Variants in TTN observed in about 807,000 individuals in gnomAD.
TTN encodes the protein titin.
In TTN, 1,525 loss-of-function variants were observed where a neutral mutation model predicts 3,223.0. That is an observed-to-expected ratio of 0.47 (90% CI 0.45 to 0.49). The LOEUF (loss-of-function observed/expected upper bound fraction) is 0.49. Among genes scored for constraint, TTN ranks in the 20% least tolerant of loss-of-function variants. TTN has a pLI of 0.00. For synonymous variants in TTN, 14,094 were observed against 15,161.0 expected (o/e 0.93, Z 5.17); for missense variants, 40,786 against 43,424.0 (o/e 0.94, Z 5.40).
intron 292 of TTN, 107 bp from the exon 293 acceptor site, chr2:178,598,165 G>A: frequency 7.6e-7 from 1 of 1,308,540 alleles, no homozygotes; most frequent in Non-Finnish European, 1.0e-6. Flanking sequence ...GTTTACTCTG[G>A]GAAAATTGTT....
At position 178,576,580 on chromosome 2, in the gene TTN, T is replaced by G; in HGVS notation, c.69664A>C (p.Ile23222Leu). 7 of 1,613,592 alleles carry G rather than the reference T, an allele frequency of 4.3e-6. No homozygotes were observed. Among genetic ancestry groups the G allele is most frequent in the Non-Finnish European group, 5.1e-6 (6 of 1,179,636 alleles). ...FRVSAENRAG[I>L]GPPSEASDSV... ...TCTGAAGCCTCACTGGGTGGACCAA[T>G]TCCTGCTCTGTTTTCTGCACTGACA... The change falls in exon 325 of 363, where the codon ATT (isoleucine) becomes CTT (leucine). Residue 23222 changes from isoleucine to leucine, a missense_variant. Coordinates refer to ENST00000589042, the MANE Select transcript of TTN (RefSeq NM_001267550.2). This position sits in a 1 kb window ranked among gnomAD's most constrained non-coding sequence, Gnocchi z 4.3.
chr2:178,778,226 G>T, intron 24 of TTN: 2 of 506,340 alleles, frequency 3.9e-6, no homozygotes, highest in Admixed American at 3.3e-5. Flanking sequence ...CAAAAATCTT[G>T]GAATAATCCT....
At position 178,673,703 on chromosome 2, in the gene TTN, T is replaced by C. The variant is rs1577238073; in HGVS notation, c.34716A>G (p.Glu11572=). The C allele has an allele frequency of 6.3e-7, 1 of 1,587,592 alleles. No individual in the cohort carries two copies. The change falls in exon 152 of 363, where the codon GAA becomes GAG. Residue 11572 remains glutamate (E), a synonymous_variant. Transcript: ENST00000589042. ...CTTCAGGTACTGCTTTCTTAATCACTTCAGGCACTTAAAAGAAATTTTATG... is the reference window on the plus strand; with the variant it reads ...CTTCAGGTACTGCTTTCTTAATCACCTCAGGCACTTAAAAGAAATTTTATG... ...VEEVAPPRVP[E]VIKKAVPEAP...
chr2:178,725,854 A>T lies in TTN; in HGVS notation c.20468T>A (p.Val6823Glu). 6.2e-7 allele frequency: 1 copy of T among 1,613,350 alleles called. No individual in the cohort carries two copies. Among genetic ancestry groups the T allele is most frequent in the South Asian group, 1.1e-5 (1 of 91,034 alleles). The part of the protein sequence containing the change: ...NFHTSIHILN[V>E]DTSDIGEYHC... ...GTATTCACCGATGTCTGAAGTGTCC[A>T]CATTGAGAATGTGAATACTTGTGTG... Residue 6823 changes from valine to glutamate, a missense_variant, in exon 70 of 363, where the codon GTG becomes GAG. Transcript: ENST00000589042.
intron 80 of TTN, 37 bp downstream of exon 80, chr2:178,720,348 G>A: frequency 6.3e-7 from 1 of 1,593,542 alleles, no homozygotes; most frequent in Non-Finnish European, 8.6e-7. Context: ...ACAGATAGGA[G>A]GAAGGGGCAT....
Position 178,717,301 on chromosome 2 carries a change from T to C in TTN, c.25433A>G (p.His8478Arg), listed in dbSNP as rs747367057. The C allele has an allele frequency of 6.2e-7, 1 of 1,613,694 alleles. No individual in the cohort carries two copies. Among genetic ancestry groups the C allele is most frequent in the South Asian group, 1.1e-5 (1 of 91,056 alleles). ...ALGESGTFKCHVTGTAPIKIT... is the reference protein window; with the variant it reads ...ALGESGTFKCRVTGTAPIKIT... ...TTTGATTGGTGCAGTCCCAGTTACA[T>C]GACATTTAAAAGTACCACTTTCTCC... Residue 8478 changes from histidine (H) to arginine (R), a missense_variant, in exon 88 of 363, where the codon CAT becomes CGT. Transcript: ENST00000589042.
intron 156 of TTN, among the ~76,000 whole-genome samples, chr2:178,670,799 A>G (rs942136152): frequency 1.3e-5 from 2 of 151,988 alleles, no homozygotes; most frequent in East Asian, 1.9e-4. Context: ...ATCAGTAAGC[A>G]TGTTAGTGAA....
intron 278 of TTN, 78 bp from the exon 279 acceptor site, chr2:178,605,791 T>G: frequency 8.1e-7 from 1 of 1,239,334 alleles, no homozygotes; most frequent in Non-Finnish European, 1.1e-6. Flanking sequence ...TTCAACTTAA[T>G]TATGTAAAAA....
Position 178,530,357 on chromosome 2 carries a change from G to A in TTN, c.106258C>T (p.Pro35420Ser), listed in dbSNP as rs567191587. 5.0e-6 allele frequency: 8 copies of A among 1,613,934 alleles called. No individual in the cohort carries two copies. In the East Asian group the frequency reaches 1.8e-4, roughly 36 times the overall value. ...PKAPEPISSK[P>S]VIVTGLQDTT... ...TCCTGCAACCCAGTAACAATTACTG[G>A]TTTTGAGGAAATTGGTTCAGGAGCT... The change falls in exon 358 of 363, where the codon CCA (proline) becomes TCA (serine). Residue 35420 changes from proline (P) to serine (S), a missense_variant. Pro to Ser is a moderately conservative substitution (Grantham distance 74, BLOSUM62 -1). Coordinates refer to ENST00000589042, the MANE Select transcript of TTN (RefSeq NM_001267550.2).
Position 178,635,959 on chromosome 2 carries a change from T to C in TTN, c.41608+4A>G. 1 of 1,584,814 alleles carries C rather than the reference T, an allele frequency of 6.3e-7. No homozygotes were observed. The highest frequency in any genetic ancestry group is 1.2e-5 in the South Asian group (1 of 86,226). ...AGAACGAAATCTCCCAGGAAAGTAC[T>C]AACCTACTACTTTTACGCAAGATGA... On this transcript the variant is annotated splice_donor_region_variant and intron_variant, in intron 226 of 362. Transcript: ENST00000589042.
chr2:178,619,678 C>T lies in TTN; in HGVS notation c.46639G>A (p.Gly15547Ser), dbSNP rs769290450. The T allele has an allele frequency of 3.1e-6, 5 of 1,612,168 alleles. No individual in the cohort carries two copies. The highest frequency in any genetic ancestry group is 4.2e-6 in the Non-Finnish European group (5 of 1,178,858). Residue 15547 changes from glycine (G) to serine (S), a missense_variant, in exon 250 of 363, where the codon GGT becomes AGT. By Grantham distance (56) the Gly-to-Ser change is moderately conservative. Transcript: ENST00000589042. ...TCTTTGGCAATAAATCTGTATTCAC[C>T]CTGGTCACGGGGCTTAATATCACAA... ...QICDIKPRDQ[G>S]EYRFIAKDKE...
intron 49 of TTN, among the ~76,000 whole-genome samples, chr2:178,736,790 C>T (rs2081524520): frequency 6.6e-6 from 1 of 152,074 alleles, no homozygotes; most frequent in South Asian, 2.1e-4. Flanking sequence ...ATATCATGTA[C>T]TTGGTTTTAT....
Position 178,724,368 on chromosome 2 carries a change from A to G in TTN, c.21007T>C (p.Ser7003Pro). ...TCAACTGAGAGAATCCTTAAGGAAG[A>G]GATTTTGTTGTAGAAGCTAAATTTG... Reference protein sequence around the residue: ...KHKFSFYNKISSLRILSVERQ... With the variant: ...KHKFSFYNKIPSLRILSVERQ... The change falls in exon 72 of 363, where the codon TCT becomes CCT. Residue 7003 changes from serine to proline, a missense_variant. By Grantham distance (74) the Ser-to-Pro change is moderately conservative (BLOSUM62 -1). Transcript: ENST00000589042. 6.2e-7 allele frequency: 1 copy of G among 1,613,556 alleles called. No homozygotes were observed. Among genetic ancestry groups the G allele is most frequent in the Non-Finnish European group, 8.5e-7 (1 of 1,179,632 alleles).
chr2:178,563,772 C>T lies in TTN; in HGVS notation c.82360G>A (p.Glu27454Lys), dbSNP rs1704595513. The T allele has an allele frequency of 6.2e-7, 1 of 1,613,650 alleles. No homozygotes were observed. Among genetic ancestry groups the T allele is most frequent in the Non-Finnish European group, 8.5e-7 (1 of 1,179,732 alleles). Residue 27454 changes from glutamate (E) to lysine (K), a missense_variant, in exon 326 of 363, where the codon GAG (glutamate) becomes AAG (lysine). By Grantham distance (56) the Glu-to-Lys change is moderately conservative. Coordinates refer to ENST00000589042, the MANE Select transcript of TTN (RefSeq NM_001267550.2). This position sits in a 1 kb window ranked among gnomAD's most constrained non-coding sequence, Gnocchi z 4.5. ...VMAVNKYGIG[E>K]PLESGPVTAC... ...GTAACAGGCCCAGATTCCAAGGGCT[C>T]TCCAATTCCATATTTATTCACAGCC...
At position 178,584,361 on chromosome 2, in the gene TTN, A is replaced by G. The variant is rs763101973; in HGVS notation, c.65190T>C (p.Tyr21730=). The G allele has an allele frequency of 1.2e-6, 2 of 1,613,146 alleles. No homozygotes were observed. Among genetic ancestry groups the G allele is most frequent in the South Asian group, 2.2e-5 (2 of 91,008 alleles). ...PCAGLVEGLE[Y]SFRIYALNKA... ...TGTTTAGGGCATAGATTCTGAATGAATACTCAAGACCTTCTACAAGGCCAG... is the reference window on the plus strand; with the variant it reads ...TGTTTAGGGCATAGATTCTGAATGAGTACTCAAGACCTTCTACAAGGCCAG... Residue 21730 remains tyrosine (Y), a synonymous_variant, in exon 311 of 363, where the codon TAT becomes TAC. Coordinates refer to ENST00000589042, the MANE Select transcript of TTN (RefSeq NM_001267550.2).
intron 347 of TTN, 33 bp downstream of exon 347, chr2:178,543,036 C>CTTTTTT: frequency 7.2e-7 from 1 of 1,392,064 alleles, no homozygotes; most frequent in East Asian, 2.4e-5. Context: ...TTTTACTTTA[C>CTTTTTT]TTTTTTTTTT....
Position 178,636,595 on chromosome 2 carries a change from GAGACCAAACATTCAA to G in TTN, c.41117_41131del (p.Phe13706_Val13710del). ...CCAGGTTGTAATTGCAGTGGAAGGG[GAGACCAAACATTCAA>G]AGATTGCTGAAGAGCCAACGAACTC... On this transcript the variant is annotated inframe_deletion, in exon 225 of 363. Coordinates refer to ENST00000589042, the MANE Select transcript of TTN (RefSeq NM_001267550.2). This position sits in a 1 kb window ranked among gnomAD's most constrained non-coding sequence, Gnocchi z 4.3. 6.2e-7 allele frequency: 1 copy of G among 1,613,414 alleles called. No homozygotes were observed.
rs1445662434 is a variant in TTN, at chr2:178,651,296, A to C, written c.39572T>G (p.Val13191Gly). The C allele has an allele frequency of 6.2e-7, 1 of 1,613,042 alleles. No individual in the cohort carries two copies. Among genetic ancestry groups the C allele is most frequent in the Non-Finnish European group, 8.5e-7 (1 of 1,179,436 alleles). Residue 13191 changes from valine (V) to glycine (G), a missense_variant, in exon 208 of 363, where the codon GTT (valine) becomes GGT (glycine). Physicochemically the swap from Val to Gly is moderately radical, Grantham distance 109. Coordinates refer to ENST00000589042, the MANE Select transcript of TTN (RefSeq NM_001267550.2). ...GGGAACAGCTACTTTCTTTTCTGGA[A>C]CAACTTCTTTTGGAACTTCAGGCAC... Reference protein sequence around the residue: ...AKVPEVPKEVVPEKKVAVPKK... With the variant: ...AKVPEVPKEVGPEKKVAVPKK...
At chr2:178,683,717 C>A (rs1283105427) in intron 133 of TTN, among the ~76,000 whole-genome samples, 4 of 151,858 alleles carry the variant, frequency 2.6e-5, no homozygotes, top group African/African-American at 9.7e-5. Context: ...ATAAAGCAAG[C>A]ATCTAGGCAG....
Sources: allele counts gnomAD v4.1 joint callset (sites outside exome capture counted in the v4.1 genomes callset), GRCh38; gene constraint gnomAD v4.1.1; non-coding constraint Gnocchi (gnomAD v3.1); transcripts MANE v1.5; gene names NCBI Gene and HGNC (gene_info 2026-07-23, HGNC 2026-07-21).